DGKI: variants seen among roughly 807,000 people sequenced by gnomAD.
DGKI encodes the protein DAG kinase iota.
DGKI carries 55 observed loss-of-function variants against 147.5 expected under a neutral mutation model. That is an observed-to-expected ratio of 0.37 (90% confidence interval 0.30 to 0.47). The LOEUF (loss-of-function observed/expected upper bound fraction) is 0.47, where lower values mean the gene tolerates loss of function less well. Ranked by LOEUF, DGKI falls within the 20% of genes least tolerant of loss-of-function variation. The probability of loss-of-function intolerance (pLI) is 1.00; values close to 1 mark genes in which losing one functional copy is unlikely to be tolerated. For synonymous variants in DGKI, 469 were observed against 477.1 expected, an observed-to-expected ratio of 0.98 and a Z score of 0.22; for missense variants, 1,007 against 1,323.8, an observed-to-expected ratio of 0.76 and a Z score of 3.71.
chr7:137,438,885 A>G (rs1031088716), intron 28 of DGKI, among the ~76,000 whole-genome samples: 3 of 152,220 alleles, frequency 2.0e-5, no homozygotes, highest in Non-Finnish European at 4.4e-5. Flanking sequence ...CTATGTACAC[A>G]CACACATATA....
At chr7:137,761,849 G>C (rs1236043101) in intron 1 of DGKI, among the ~76,000 whole-genome samples, 1 of 152,078 alleles carries the variant, frequency 6.6e-6, no homozygotes, top group Non-Finnish European at 1.5e-5. Context: ...CCACCTCAAT[G>C]TCTCACAGGC....
chr7:137,692,087 A>T (rs781763942), intron 1 of DGKI, among the ~76,000 whole-genome samples: 3 of 152,132 alleles, frequency 2.0e-5, no homozygotes, highest in Non-Finnish European at 4.4e-5. Flanking sequence ...AGCATATTCC[A>T]TATCATCGAG....
At chr7:137,539,696 T>TG (rs1817626223) in intron 20 of DGKI, among the ~76,000 whole-genome samples, 1 of 148,366 alleles carries the variant, frequency 6.7e-6, no homozygotes, top group Admixed American at 6.7e-5. Context: ...TAGAAAAAAA[T>TG]GGGAAAAAAA....
chr7:137,690,601 T>C (rs1349683603), intron 1 of DGKI, among the ~76,000 whole-genome samples: 1 of 152,202 alleles, frequency 6.6e-6, no homozygotes, highest in Non-Finnish European at 1.5e-5. Context: ...ATTCAATAAC[T>C]TACCAAGACC....
intron 1 of DGKI, among the ~76,000 whole-genome samples, chr7:137,843,230 CTT>C (rs199689390): frequency 2.1e-5 from 3 of 142,594 alleles, no homozygotes; most frequent in African/African-American, 2.6e-5. Flanking sequence ...TTTCTGAAGT[CTT>C]TTTTTTTTTA....
intron 16 of DGKI, among the ~76,000 whole-genome samples, chr7:137,577,893 C>T (rs1399468865): frequency 6.6e-6 from 1 of 152,224 alleles, no homozygotes; most frequent in Non-Finnish European, 1.5e-5. Flanking sequence ...TCAATGTGCG[C>T]ACCCTGGTGA....
intron 29 of DGKI, 148 bp downstream of exon 29, chr7:137,412,022 T>C: frequency 1.3e-6 from 1 of 755,462 alleles, no homozygotes. Flanking sequence ...CTCTGCTCAG[T>C]TCTCAAAAGA....
intron 1 of DGKI, chr7:137,722,293 A>G (rs796494134): frequency 6.2e-7 from 1 of 1,612,090 alleles, no homozygotes; most frequent in Non-Finnish European, 8.5e-7. Context: ...CAAGAACGGC[A>G]GTACCCGGGT....
chr7:137,627,484 G>A (rs1014888697), intron 6 of DGKI, among the ~76,000 whole-genome samples: 11 of 152,178 alleles, frequency 7.2e-5, no homozygotes, highest in East Asian at 1.9e-4. Context: ...CAAACTTCAC[G>A]CTATCCAGAC....
intron 1 of DGKI, among the ~76,000 whole-genome samples, chr7:137,747,048 G>A (rs1795359863): frequency 6.6e-6 from 1 of 152,072 alleles, no homozygotes; most frequent in Non-Finnish European, 1.5e-5. Flanking sequence ...TATTTCTAGC[G>A]ATTTGCTAGT....
intron 1 of DGKI, among the ~76,000 whole-genome samples, chr7:137,839,386 T>A (rs910737019): frequency 8.5e-5 from 13 of 152,394 alleles, no homozygotes; most frequent in African/African-American, 3.1e-4. Context: ...CACCAGCTGC[T>A]GACATTTGAT....
chr7:137,804,585 T>A (rs1797308770), intron 1 of DGKI, among the ~76,000 whole-genome samples: 2 of 152,180 alleles, frequency 1.3e-5, no homozygotes, highest in South Asian at 4.1e-4. Flanking sequence ...GATGTAAACG[T>A]TTTTGGTGTT....
intron 1 of DGKI, among the ~76,000 whole-genome samples, chr7:137,736,483 C>G (rs756533769): frequency 3.9e-5 from 6 of 152,096 alleles, no homozygotes; most frequent in Non-Finnish European, 5.9e-5. Context: ...TACCTCTTCA[C>G]GTTGCTGTGA....
intron 1 of DGKI, among the ~76,000 whole-genome samples, chr7:137,782,574 C>T (rs559864735): frequency 6.6e-5 from 10 of 152,316 alleles, no homozygotes; most frequent in African/African-American, 2.4e-4. Context: ...CGTCCACCAC[C>T]TGAGAAACCT....
In DGKI at chr7:137,487,528, T is replaced by G. The variant is rs1385394600; in HGVS notation, c.2328+82A>C. ...CCACTTCCTCTCCAAATGCATCATT[T>G]CAGAAGCAAATATATATGGCTGGTA... On this transcript the variant is annotated intron_variant, in intron 22 of 32. Coordinates refer to ENST00000614521, the MANE Select transcript of DGKI (RefSeq NM_001321708.2). 5 of 1,270,336 alleles carry G rather than the reference T, an allele frequency of 3.9e-6. No individual in the cohort carries two copies. The African/African-American group carries it at 7.4e-5, about 19-fold the overall frequency. The allele number at this position is 1,270,336 out of a possible 1,614,324, so 78.7% of individuals were successfully genotyped here. A position where few individuals can be genotyped will look rare whatever the true frequency, so the allele number is the denominator to read the frequency against.
chr7:137,427,214 T>C (rs13075895), intron 28 of DGKI, among the ~76,000 whole-genome samples: 1 of 152,164 alleles, frequency 6.6e-6, no homozygotes, highest in Non-Finnish European at 1.5e-5. Context: ...CAGACCACAG[T>C]GCAATCAAAC....
chr7:137,602,822 A>G lies in DGKI; in HGVS notation c.1168-2917T>C, dbSNP rs190466181. On this transcript the variant is annotated intron_variant, in intron 10 of 32. Transcript: ENST00000614521. The stretch of plus-strand genomic sequence containing the variant: ...TTACTAACAACTCTCCAGCACTCTC[A>G]TAGTTATCACATGCTATAATGCCAA... Among the ~76,000 whole-genome samples the G allele has an allele frequency of 9.9e-5, 15 of 152,228 alleles. No homozygotes were observed. In the East Asian group the frequency reaches 2.9e-3, roughly 29 times the overall value.
chr7:137,391,297 G>A lies in DGKI; in HGVS notation c.3097C>T (p.Pro1033Ser), dbSNP rs778633410. 7.4e-6 allele frequency: 12 copies of A among 1,612,794 alleles called. No homozygotes were observed. The highest frequency in any genetic ancestry group is 4.0e-5 in the African/African-American group (3 of 74,770). ...PQERAQQAGD[P>S]DLAAYLESRQ... ...CTTTCTAGGTAAGCAGCCAAGTCTG[G>A]GTCCCCAGCCTGCTGTGCTCTTTCT... is the stretch of plus-strand genomic sequence containing the variant. The change falls in exon 33 of 33, where the codon CCA (proline) becomes TCA (serine). Residue 1033 changes from proline to serine, a missense_variant. By Grantham distance (74) the Pro-to-Ser change is moderately conservative. This residue lies in a region of DGKI where 385 missense variants were observed against 445.2 expected (regional missense o/e 0.86). Coordinates refer to ENST00000614521, the MANE Select transcript of DGKI (RefSeq NM_001321708.2).
chr7:137,771,406 C>G (rs528710188), intron 1 of DGKI, among the ~76,000 whole-genome samples: 1 of 152,222 alleles, frequency 6.6e-6, no homozygotes, highest in Admixed American at 6.5e-5. Flanking sequence ...TCTTAAATCT[C>G]GAACAAAGCA....
Sources: allele counts gnomAD v4.1 joint callset (sites outside exome capture counted in the v4.1 genomes callset), GRCh38; gene constraint gnomAD v4.1.1; regional missense constraint gnomAD v4.1.1; transcripts MANE v1.5; gene names NCBI Gene and HGNC (gene_info 2026-07-23, HGNC 2026-07-21).